Variants in FAM227B observed in about 807,000 individuals in gnomAD.
FAM227B encodes the protein family with sequence similarity 227 member B.
A neutral mutation model predicts 73.8 loss-of-function variants in FAM227B; 88 were observed. The observed-to-expected ratio is 1.19, with a 90% CI of 1.00 to 1.42. The LOEUF is 1.42. Among genes scored for constraint, FAM227B ranks in the 40% most tolerant of loss-of-function variants. FAM227B has a pLI of 0.00. For missense variants in FAM227B, 632 were observed against 590.9 expected (o/e 1.07, Z -0.72); for synonymous variants, 210 against 190.5 (o/e 1.10, Z -0.84).
chr15:49,574,573 G>A (rs1489960412), intron 8 of FAM227B, among the ~76,000 whole-genome samples: 4 of 152,058 alleles, frequency 2.6e-5, no homozygotes, highest in South Asian at 4.2e-4. Flanking sequence ...CACACCATGC[G>A]GAAATACGAG....
intron 11 of FAM227B, among the ~76,000 whole-genome samples, chr15:49,404,664 T>A (rs1567220842): frequency 6.6e-6 from 1 of 152,178 alleles, no homozygotes; most frequent in East Asian, 1.9e-4. Flanking sequence ...TCATTGCATG[T>A]GAGATGCATC....
At chr15:49,395,824 TAA>T (rs2047545353) in intron 11 of FAM227B, among the ~76,000 whole-genome samples, 1 of 152,180 alleles carries the variant, frequency 6.6e-6, no homozygotes, top group Admixed American at 6.5e-5. Flanking sequence ...TATCGAAGTT[TAA>T]AGAGTTAAAC....
At chr15:49,435,089 T>C (rs1264232881) in intron 11 of FAM227B, among the ~76,000 whole-genome samples, 1 of 151,598 alleles carries the variant, frequency 6.6e-6, no homozygotes, top group Non-Finnish European at 1.5e-5. Flanking sequence ...ACATTAAAAT[T>C]GTTGTGTATG....
Position 49,422,145 on chromosome 15 carries a change from A to T in FAM227B, c.1013-50746T>A, listed in dbSNP as rs868154849. On this transcript the variant is annotated intron_variant, in intron 11 of 15. Coordinates refer to ENST00000299338, the MANE Select transcript of FAM227B (RefSeq NM_152647.3). The stretch of plus-strand genomic sequence containing the variant: ...TAGAGAGAGAGAGAGAGAGAGAGAG[A>T]GTGTGTGTGTGTGTGTGTGCGCGCG... 4.1e-3 allele frequency among the ~76,000 whole-genome samples: 567 copies of T among 139,918 alleles called. 6 individuals carry two copies. Among genetic ancestry groups the T allele is most frequent in the African/African-American group, 0.011 (434 of 39,482 alleles). The allele number at this position is 139,918 out of a possible 152,430, so 91.8% of individuals were successfully genotyped here. A position where few individuals can be genotyped will look rare whatever the true frequency, so the allele number is the denominator to read the frequency against.
At chr15:49,561,942 G>A (rs7182072) in intron 9 of FAM227B, among the ~76,000 whole-genome samples, 49,305 of 151,724 alleles carry the variant, frequency 0.32, 8,729 homozygotes, top group African/African-American at 0.45. Flanking sequence ...AAAGGAACTA[G>A]AAAAATAAAA....
chr15:49,542,897 C>T (rs903957398), intron 9 of FAM227B, among the ~76,000 whole-genome samples: 5 of 151,712 alleles, frequency 3.3e-5, no homozygotes, highest in Admixed American at 1.3e-4. Context: ...TTTTCTTTAT[C>T]CACTTGTTGG....
chr15:49,398,326 A>G (rs1223766428), intron 11 of FAM227B, among the ~76,000 whole-genome samples: 11 of 148,122 alleles, frequency 7.4e-5, no homozygotes, highest in Admixed American at 2.0e-4. Flanking sequence ...CACCCAATAC[A>G]GGAGCACCAA....
intron 10 of FAM227B, among the ~76,000 whole-genome samples, chr15:49,538,962 T>G (rs1348151501): frequency 6.6e-6 from 1 of 152,196 alleles, no homozygotes. Flanking sequence ...GGTCAGTTAC[T>G]AGAAAATTAT....
intron 10 of FAM227B, among the ~76,000 whole-genome samples, chr15:49,528,606 G>A (rs191313164): frequency 1.9e-3 from 286 of 151,602 alleles, no homozygotes; most frequent in South Asian, 3.1e-3. Flanking sequence ...CTCTGACAAA[G>A]GACTAATTTT....
At chr15:49,570,350 G>A (rs570763554) in intron 8 of FAM227B, among the ~76,000 whole-genome samples, 1 of 151,856 alleles carries the variant, frequency 6.6e-6, no homozygotes, top group African/African-American at 2.4e-5. Context: ...TCAAACAGTT[G>A]TGTGAGATGA....
At chr15:49,584,238 C>T (rs2076002303) in intron 5 of FAM227B, among the ~76,000 whole-genome samples, 1 of 152,074 alleles carries the variant, frequency 6.6e-6, no homozygotes. Context: ...TGATTCATCA[C>T]ATAAACAAAA....
Position 49,541,686 on chromosome 15 carries a change from A to C in FAM227B, c.868T>G (p.Cys290Gly), listed in dbSNP as rs2071087310. The change falls in exon 10 of 16, where the codon TGT becomes GGT. Residue 290 changes from cysteine to glycine, a missense_variant. By Grantham distance (159) the Cys-to-Gly change is radical (BLOSUM62 -3). Coordinates refer to ENST00000299338, the MANE Select transcript of FAM227B (RefSeq NM_152647.3). ...EDLGNNIFLWCSGLKPQKGFW... is the reference protein window; with the variant it reads ...EDLGNNIFLWGSGLKPQKGFW... The stretch of plus-strand genomic sequence containing the variant: ...TTAAATGATATATTCATACCTGAAC[A>C]CCAAAGAAAAATGTTATTCCCTAGA... 6.6e-7 allele frequency: 1 copy of C among 1,504,562 alleles called. No individual in the cohort carries two copies. Among genetic ancestry groups the C allele is most frequent in the Non-Finnish European group, 8.8e-7 (1 of 1,130,238 alleles). 93.2% of individuals were successfully genotyped at this position (1,504,562 alleles called of 1,614,324 possible). A position where few individuals can be genotyped will look rare whatever the true frequency, so the allele number is the denominator to read the frequency against.
intron 10 of FAM227B, among the ~76,000 whole-genome samples, chr15:49,519,192 C>T (rs890127757): frequency 6.6e-6 from 1 of 152,178 alleles, no homozygotes; most frequent in African/African-American, 2.4e-5. Context: ...TTGGGCAGCT[C>T]CACCCCTGTG....
intron 11 of FAM227B, chr15:49,424,466 G>A: frequency 1.2e-6 from 2 of 1,613,576 alleles, no homozygotes; most frequent in South Asian, 1.1e-5. Flanking sequence ...AAGAAGTTAT[G>A]ATTACATGGA....
At chr15:49,592,454 G>C (rs2076637860) in intron 3 of FAM227B, among the ~76,000 whole-genome samples, 1 of 152,182 alleles carries the variant, frequency 6.6e-6, no homozygotes, top group African/African-American at 2.4e-5. Context: ...GAGTTTGCTG[G>C]TGGTCCACTC....
intron 11 of FAM227B, among the ~76,000 whole-genome samples, chr15:49,386,198 T>C (rs2046872919): frequency 6.6e-6 from 1 of 151,700 alleles, no homozygotes; most frequent in Non-Finnish European, 1.5e-5. Context: ...AGAATACACA[T>C]TCTTCTCATG....
intron 13 of FAM227B, among the ~76,000 whole-genome samples, chr15:49,367,208 T>A (rs2045357428): frequency 6.6e-6 from 1 of 152,186 alleles, no homozygotes; most frequent in South Asian, 2.1e-4. Flanking sequence ...ATACTAGTTT[T>A]AAAAGTTCTT....
chr15:49,347,049 T>C (rs2041609636), intron 13 of FAM227B, among the ~76,000 whole-genome samples: 1 of 152,240 alleles, frequency 6.6e-6, no homozygotes, highest in African/African-American at 2.4e-5. Flanking sequence ...CTTACCCAGA[T>C]TCTAAATGGC....
chr15:49,475,195 A>C (rs1213500022), intron 11 of FAM227B, among the ~76,000 whole-genome samples: 3 of 152,192 alleles, frequency 2.0e-5, no homozygotes, highest in Admixed American at 6.5e-5. Context: ...AAGGAGTGTG[A>C]AGTGAGCCAA....
Sources: allele counts gnomAD v4.1 joint callset (sites outside exome capture counted in the v4.1 genomes callset), GRCh38; gene constraint gnomAD v4.1.1; transcripts MANE v1.5; gene names NCBI Gene and HGNC (gene_info 2026-07-23, HGNC 2026-07-21).